Variants in TTC7A observed in about 807,000 individuals in gnomAD.
The protein encoded by TTC7A is tetratricopeptide repeat domain 7A, also known as tetratricopeptide repeat protein 7A.
In TTC7A, 110 loss-of-function variants were observed where a neutral mutation model predicts 103.7. The ratio of observed to expected loss-of-function variants is 1.06; its 90% CI spans 0.91 to 1.24. The LOEUF (loss-of-function observed/expected upper bound fraction) is 1.24, where lower values mean the gene tolerates loss of function less well. TTC7A is among the 50% of genes most tolerant of loss of function. The pLI is 0.00. For missense variants in TTC7A, 1,340 were observed against 1,116.3 expected (o/e 1.20, Z -2.86); for synonymous variants, 521 against 467.9 (o/e 1.11, Z -1.47).
Position 47,060,969 on chromosome 2 carries a change from CT to C in TTC7A, c.2354del (p.Leu785ArgfsTer3). Reference sequence around the variant, plus strand: ...AGATGGCGTGCGCATCATGCATAGCCTGGTGAGTCAGAGCCCCCCGCGCTCC... The same window carrying C: ...AGATGGCGTGCGCATCATGCATAGCCGGTGAGTCAGAGCCCCCCGCGCTCC... ...NPDGVRIMHS[L>X]GLMLSRLGHK... is the part of the protein sequence containing the mutation. On this transcript the variant is annotated frameshift_variant and splice_region_variant, in exon 19 of 20. Coordinates refer to ENST00000319190, the MANE Select transcript of TTC7A (RefSeq NM_020458.4). LOFTEE classifies it high-confidence loss of function. The C allele has an allele frequency of 6.2e-7, 1 of 1,606,896 alleles. No homozygotes were observed.
intron 2 of TTC7A, among the ~76,000 whole-genome samples, chr2:46,928,424 G>A (rs1289990450): frequency 7.3e-6 from 1 of 136,976 alleles, no homozygotes; most frequent in Non-Finnish European, 1.5e-5. Context: ...GAGGCTCAAA[G>A]CCCTCTTTCA....
At chr2:47,002,390 G>A (rs1045416066) in intron 8 of TTC7A, among the ~76,000 whole-genome samples, 1 of 152,216 alleles carries the variant, frequency 6.6e-6, no homozygotes. Flanking sequence ...TAATGTTCAT[G>A]TATTACTTTA....
intron 18 of TTC7A, among the ~76,000 whole-genome samples, chr2:47,056,347 A>G (rs1471940041): frequency 1.3e-5 from 2 of 151,892 alleles, no homozygotes; most frequent in African/African-American, 4.8e-5. Context: ...GGACTAACCT[A>G]TTTCTCTCCT....
chr2:46,938,244 A>G (rs973212175), upstream of TTC7A, among the ~76,000 whole-genome samples: 5 of 152,192 alleles, frequency 3.3e-5, no homozygotes, highest in African/African-American at 1.2e-4. Context: ...TTAAACCCAC[A>G]AGGAAACATT....
At chr2:47,055,010 C>T (rs943042301) in intron 18 of TTC7A, among the ~76,000 whole-genome samples, 1 of 152,040 alleles carries the variant, frequency 6.6e-6, no homozygotes, top group African/African-American at 2.4e-5. Flanking sequence ...CTCTCCCCTC[C>T]CCTGGCTGCC....
intron 8 of TTC7A, among the ~76,000 whole-genome samples, chr2:46,998,637 G>A (rs1183117253): frequency 1.3e-5 from 2 of 152,224 alleles, no homozygotes; most frequent in Non-Finnish European, 2.9e-5. Context: ...CCTGCAGAAT[G>A]CATTATGCTG....
chr2:47,054,943 C>T (rs778843476), intron 18 of TTC7A, among the ~76,000 whole-genome samples: 1 of 151,984 alleles, frequency 6.6e-6, no homozygotes, highest in African/African-American at 2.4e-5. Context: ...AGAAGGTGTC[C>T]TAGTTCTTTC....
At chr2:46,927,002 C>T (rs866122987) in intron 2 of TTC7A, among the ~76,000 whole-genome samples, 1 of 150,516 alleles carries the variant, frequency 6.6e-6, no homozygotes, top group Non-Finnish European at 1.5e-5. Flanking sequence ...TTTAGACACA[C>T]GAAAAGAGAG....
At chr2:46,994,294 C>A (rs995472318) in intron 6 of TTC7A, 63 bp from the exon 7 acceptor site, 6 of 1,552,718 alleles carry the variant, frequency 3.9e-6, no homozygotes, top group Admixed American at 3.7e-5. Flanking sequence ...AGAGGGCGTT[C>A]TAGGTCATGC....
At chr2:46,988,351 G>A (rs1256171666) in intron 5 of TTC7A, among the ~76,000 whole-genome samples, 1 of 152,184 alleles carries the variant, frequency 6.6e-6, no homozygotes, top group Non-Finnish European at 1.5e-5. Context: ...GGGGTGAACA[G>A]TTTGATGACC....
At chr2:46,947,094 C>T (rs757839733) in intron 1 of TTC7A, among the ~76,000 whole-genome samples, 1 of 152,168 alleles carries the variant, frequency 6.6e-6, no homozygotes, top group Non-Finnish European at 1.5e-5. Flanking sequence ...TAGCTTTTAA[C>T]GTACTCTTTT....
At chr2:46,958,965 G>A (rs1031806530) in intron 3 of TTC7A, among the ~76,000 whole-genome samples, 4 of 152,198 alleles carry the variant, frequency 2.6e-5, no homozygotes, top group East Asian at 1.9e-4. Context: ...GTAGGCCCTC[G>A]TTGAGCCCCC....
At chr2:46,964,446 T>G (rs1672662906) in intron 3 of TTC7A, among the ~76,000 whole-genome samples, 1 of 152,122 alleles carries the variant, frequency 6.6e-6, no homozygotes, top group Non-Finnish European at 1.5e-5. Flanking sequence ...TCAGGGTGTC[T>G]CTCTTCACTG....
At chr2:46,920,516 A>T (rs1024915933) in intron 2 of TTC7A, among the ~76,000 whole-genome samples, 2 of 152,010 alleles carry the variant, frequency 1.3e-5, no homozygotes, top group Admixed American at 6.6e-5. Flanking sequence ...TTTTTAGTAG[A>T]GATGGGGTTT....
chr2:46,999,110 C>T (rs563812081), intron 8 of TTC7A, among the ~76,000 whole-genome samples: 1 of 152,256 alleles, frequency 6.6e-6, no homozygotes, highest in Admixed American at 6.5e-5. Context: ...GCCCATCCTC[C>T]TACCCACCAT....
At chr2:47,073,670 C>T (rs1396220777) in intron 19 of TTC7A, 32 bp from the exon 20 acceptor site, 2 of 1,603,316 alleles carry the variant, frequency 1.2e-6, no homozygotes, top group African/African-American at 1.3e-5. Flanking sequence ...ATGGGACACC[C>T]CTACTCACCC....
intron 2 of TTC7A, chr2:46,951,775 G>A: frequency 2.4e-6 from 1 of 415,404 alleles, no homozygotes; most frequent in Non-Finnish European, 4.9e-6. Context: ...CCAACGTACT[G>A]TGTGCAAGGC....
At chr2:47,022,126 T>C in intron 12 of TTC7A, 147 bp downstream of exon 12, 2 of 606,670 alleles carry the variant, frequency 3.3e-6, no homozygotes, top group Non-Finnish European at 5.9e-6. Context: ...TGCCCATGTG[T>C]GCACACATAC....
At chr2:46,987,814 G>GTGTC (rs1272928845) in intron 5 of TTC7A, among the ~76,000 whole-genome samples, 13 of 137,944 alleles carry the variant, frequency 9.4e-5, no homozygotes, top group African/African-American at 3.1e-4. Flanking sequence ...CCGCGCGTGT[G>GTGTC]TGTGTGTGTG....
Sources: allele counts gnomAD v4.1 joint callset (sites outside exome capture counted in the v4.1 genomes callset), GRCh38; gene constraint gnomAD v4.1.1; transcripts MANE v1.5; gene names NCBI Gene and HGNC (gene_info 2026-07-23, HGNC 2026-07-21).